SCUBE1: variants seen among roughly 807,000 people sequenced by gnomAD.
SCUBE1 encodes the protein signal peptide, CUB domain and EGF like domain containing 1.
SCUBE1 carries 59 observed loss-of-function variants against 124.4 expected under a neutral mutation model. The observed-to-expected ratio is 0.47, with a 90% CI of 0.38 to 0.59. The LOEUF (loss-of-function observed/expected upper bound fraction) is 0.59, where lower values mean the gene tolerates loss of function less well. SCUBE1 is among the 20% of genes least tolerant of loss of function. SCUBE1 has a pLI of 0.00. For synonymous variants in SCUBE1, 545 were observed against 550.9 expected, an observed-to-expected ratio of 0.99 and a Z score of 0.15; for missense variants, 1,150 against 1,371.2, an observed-to-expected ratio of 0.84 and a Z score of 2.55.
At chr22:43,273,821 C>T (rs1924389891) in intron 4 of SCUBE1, among the ~76,000 whole-genome samples, 1 of 152,108 alleles carries the variant, frequency 6.6e-6, no homozygotes, top group Non-Finnish European at 1.5e-5. Context: ...GATCCTCCCA[C>T]CTCGGCCTCC....
chr22:43,265,336 C>T (rs1924022323), intron 4 of SCUBE1, among the ~76,000 whole-genome samples: 2 of 152,214 alleles, frequency 1.3e-5, no homozygotes, highest in African/African-American at 2.4e-5. Context: ...CTATGGACTG[C>T]AGTAACCCAC....
chr22:43,197,338 A>C lies in SCUBE1; in HGVS notation c.*6659T>G, dbSNP rs371905401. 47 of 152,366 alleles carry C rather than the reference A, an allele frequency of 3.1e-4. No homozygotes were observed. Among genetic ancestry groups the C allele is most frequent in the African/African-American group, 1.1e-3 (47 of 41,590 alleles). The allele number at this position is 152,366 out of a possible 1,614,324, so 9.4% of individuals were successfully genotyped here. Reference sequence around the variant, plus strand: ...TTTTCACAAATGTTTCATTACATGCATATGGGGGACATGATGGATAAAACA... The same window carrying C: ...TTTTCACAAATGTTTCATTACATGCCTATGGGGGACATGATGGATAAAACA... On this transcript the variant is annotated 3_prime_UTR_variant, in exon 22 of 22. Coordinates refer to ENST00000360835, the MANE Select transcript of SCUBE1 (RefSeq NM_173050.5).
chr22:43,319,365 G>T (rs188529688), intron 3 of SCUBE1, among the ~76,000 whole-genome samples: 1 of 151,974 alleles, frequency 6.6e-6, no homozygotes, highest in East Asian at 1.9e-4. Context: ...AGTAGCTCGA[G>T]ACCAGCCTGG....
rs1924893514 is a variant in SCUBE1, at chr22:43,281,540, T to TCCTCCTGTCACCTCCCTTGGC, written c.484+9505_484+9506insGCCAAGGGAGGTGACAGGAGG. On this transcript the variant is annotated intron_variant, in intron 4 of 21. Coordinates refer to ENST00000360835, the MANE Select transcript of SCUBE1 (RefSeq NM_173050.5). The stretch of plus-strand genomic sequence containing the variant: ...GCCACCCTCCTGTCACCTCCCTCAG[T>TCCTCCTGTCACCTCCCTTGGC]CACCCTCCTGTCACCTCCCCCTCAG... Among the ~76,000 whole-genome samples the TCCTCCTGTCACCTCCCTTGGC allele has an allele frequency of 7.4e-5, 3 of 40,774 alleles. 1 individual carries two copies. The highest frequency in any genetic ancestry group is 4.0e-3 in the East Asian group (2 of 502). 26.7% of individuals were successfully genotyped at this position (40,774 alleles called of 152,430 possible).
intron 6 of SCUBE1, among the ~76,000 whole-genome samples, chr22:43,249,856 G>A (rs968024204): frequency 3.3e-5 from 5 of 152,204 alleles, no homozygotes; most frequent in Non-Finnish European, 7.3e-5. Flanking sequence ...AGGTCTAGGG[G>A]CAGAAGGGCG....
chr22:43,310,175 A>C (rs534150357), intron 3 of SCUBE1, among the ~76,000 whole-genome samples: 1 of 151,936 alleles, frequency 6.6e-6, no homozygotes, highest in Admixed American at 6.6e-5. Flanking sequence ...CTGATCCTCC[A>C]GGCATCCTGG....
intron 6 of SCUBE1, among the ~76,000 whole-genome samples, chr22:43,247,929 A>G (rs1384747975): frequency 1.3e-5 from 2 of 152,238 alleles, no homozygotes; most frequent in Non-Finnish European, 2.9e-5. Context: ...ATTAGCAAAA[A>G]TGGCAGGAGG....
At chr22:43,219,235 C>T (rs138999) in intron 14 of SCUBE1, among the ~76,000 whole-genome samples, 53,952 of 151,826 alleles carry the variant, frequency 0.36, 12,401 homozygotes, top group Non-Finnish European at 0.53. Context: ...CTAGTCGCCA[C>T]GAGATGTGAC....
chr22:43,222,551 C>A, intron 12 of SCUBE1, 87 bp downstream of exon 12: 1 of 1,032,496 alleles, frequency 9.7e-7, no homozygotes. Flanking sequence ...CTTCCCTGGG[C>A]GGTGCCCTTT....
At chr22:43,304,608 G>A (rs771093355) in intron 3 of SCUBE1, among the ~76,000 whole-genome samples, 1 of 152,212 alleles carries the variant, frequency 6.6e-6, no homozygotes, top group South Asian at 2.1e-4. Flanking sequence ...GTGTCTGTGT[G>A]TGTGTGTAAT....
At position 43,219,611 on chromosome 22, in the gene SCUBE1, T is replaced by C. The variant is rs541953998; in HGVS notation, c.1687+839A>G. On this transcript the variant is annotated intron_variant, in intron 14 of 21. Transcript: ENST00000360835. ...GCCTCAGCCTCCTGAGTAGCTGGGA[T>C]TACAGGTGCCTGCCACCACACCTGG... 2.0e-3 allele frequency among the ~76,000 whole-genome samples: 306 copies of C among 151,840 alleles called. 1 individual carries two copies. Among genetic ancestry groups the C allele is most frequent in the Non-Finnish European group, 3.6e-3 (246 of 67,906 alleles).
At chr22:43,310,996 G>A (rs939305835) in intron 3 of SCUBE1, among the ~76,000 whole-genome samples, 1 of 152,016 alleles carries the variant, frequency 6.6e-6, no homozygotes, top group African/African-American at 2.4e-5. Context: ...CTAGACTGGT[G>A]TCAAACTCCT....
intron 3 of SCUBE1, among the ~76,000 whole-genome samples, chr22:43,304,359 G>A (rs949445087): frequency 6.6e-5 from 10 of 152,226 alleles, no homozygotes; most frequent in Admixed American, 5.2e-4. Flanking sequence ...AGGGAAAGAC[G>A]AGGCCAAGGC....
intron 4 of SCUBE1, among the ~76,000 whole-genome samples, chr22:43,275,179 C>T (rs1018085976): frequency 1.5e-4 from 23 of 152,212 alleles, no homozygotes; most frequent in South Asian, 2.1e-4. Context: ...GGGGTCTCTG[C>T]GCTTCTGACA....
intron 6 of SCUBE1, among the ~76,000 whole-genome samples, chr22:43,257,879 C>T (rs1200936598): frequency 1.3e-5 from 2 of 152,216 alleles, no homozygotes. Flanking sequence ...CATACACCTC[C>T]CTTCTCCCCA....
chr22:43,246,780 C>T (rs1235290996), intron 6 of SCUBE1, among the ~76,000 whole-genome samples: 2 of 152,224 alleles, frequency 1.3e-5, no homozygotes, highest in East Asian at 3.8e-4. Flanking sequence ...CAACCTGGGG[C>T]AGAAGGAGGC....
intron 16 of SCUBE1, 39 bp downstream of exon 16, chr22:43,214,051 A>ACCCCCCCCCCCCCCCCCCCCC: frequency 7.3e-6 from 1 of 137,782 alleles, no homozygotes; most frequent in Non-Finnish European, 1.4e-5. Context: ...GCCCCCGCCC[A>ACCCCCCCCCCCCCCCCCCCCC]CCCCCCACCC....
intron 12 of SCUBE1, among the ~76,000 whole-genome samples, chr22:43,221,500 GT>G (rs1378484487): frequency 6.6e-6 from 1 of 152,116 alleles, no homozygotes; most frequent in Non-Finnish European, 1.5e-5. Flanking sequence ...CACATGGATG[GT>G]GGGGTCAAGC....
chr22:43,215,414 C>T (rs1921766719), intron 15 of SCUBE1, among the ~76,000 whole-genome samples: 1 of 152,180 alleles, frequency 6.6e-6, no homozygotes, highest in Non-Finnish European at 1.5e-5. Context: ...GACTAGTGAG[C>T]GTGGAACATG....
Sources: gnomAD v4.1 joint callset for allele counts (sites outside exome capture counted in the v4.1 genomes callset) on GRCh38, gnomAD v4.1.1 for gene constraint, MANE v1.5 for transcripts, NCBI Gene and HGNC (gene_info 2026-07-23, HGNC 2026-07-21) for gene names.